Variants in PADI3 observed in about 807,000 individuals in gnomAD.
The protein encoded by PADI3 is peptidyl arginine deiminase 3, also known as protein-arginine deiminase type-3.
Under a neutral mutation model 71.5 loss-of-function variants are expected in PADI3, and 53 were observed. That is an observed-to-expected ratio of 0.74 (90% CI 0.59 to 0.93). The LOEUF (loss-of-function observed/expected upper bound fraction) is 0.93. PADI3 is among the 40% of genes least tolerant of loss of function. The pLI is 0.00. For synonymous variants in PADI3, 361 were observed against 347.5 expected (o/e 1.04, Z -0.43); for missense variants, 821 against 868.0 (o/e 0.95, Z 0.68).
intron 1 of PADI3, among the ~76,000 whole-genome samples, chr1:17,255,025 C>A (rs1020055392): frequency 3.9e-5 from 6 of 152,072 alleles, no homozygotes; most frequent in Non-Finnish European, 7.4e-5. Flanking sequence ...CCACCAGGCT[C>A]CAGCATTTCT....
chr1:17,272,235 C>T (rs971612633), intron 9 of PADI3, among the ~76,000 whole-genome samples: 14 of 152,148 alleles, frequency 9.2e-5, no homozygotes, highest in Admixed American at 4.6e-4. Context: ...CGCAAAGGCC[C>T]GGGGGTGGGA....
chr1:17,266,647 C>A, intron 4 of PADI3, 72 bp from the exon 5 acceptor site: 3 of 1,291,286 alleles, frequency 2.3e-6, no homozygotes, highest in Non-Finnish European at 3.4e-6. Flanking sequence ...ACAGGCCAGG[C>A]TCGGGTTCCT....
chr1:17,271,156 A>G lies in PADI3; in HGVS notation c.1025A>G (p.Asn342Ser), dbSNP rs1557508849. The G allele has an allele frequency of 7.4e-6, 12 of 1,613,086 alleles. No individual in the cohort carries two copies. The highest frequency in any genetic ancestry group is 9.3e-6 in the Non-Finnish European group (11 of 1,179,926). Residue 342 changes from asparagine (N) to serine (S), a missense_variant, in exon 9 of 16, where the codon AAC becomes AGC. Physicochemically the swap from Asn to Ser is conservative, Grantham distance 46. Coordinates refer to ENST00000375460, the MANE Select transcript of PADI3 (RefSeq NM_016233.2). ...CTGACCATCTGCCCACAGGCCGAGA[A>G]CCGCAACGACCGCTGGATCCAGGTA... Reference protein sequence around the residue: ...CKLTICPQAENRNDRWIQDEM... With the variant: ...CKLTICPQAESRNDRWIQDEM...
At position 17,259,735 on chromosome 1, in the gene PADI3, A is replaced by G; in HGVS notation, c.250A>G (p.Ser84Gly). 1 of 1,608,874 alleles carries G rather than the reference A, an allele frequency of 6.2e-7. No homozygotes were observed. The highest frequency in any genetic ancestry group is 8.5e-7 in the Non-Finnish European group (1 of 1,176,374). Residue 84 changes from serine to glycine, a missense_variant, in exon 2 of 16, where the codon AGC becomes GGC. Coordinates refer to ENST00000375460, the MANE Select transcript of PADI3 (RefSeq NM_016233.2). The stretch of plus-strand genomic sequence containing the variant: ...GATCATCGTGGTCATGAACTCCCCC[A>G]GCAATGACCTCAACGACAGCCATGT... ...LEIIVVMNSP[S>G]NDLNDSHVQI...
chr1:17,253,116 T>A (rs16824389), intron 1 of PADI3, among the ~76,000 whole-genome samples: 6,186 of 152,304 alleles, frequency 0.041, 181 homozygotes, highest in East Asian at 0.11. Flanking sequence ...GATCTCTGAC[T>A]ATTGGTGAAG....
chr1:17,276,488 G>A, intron 11 of PADI3, 31 bp from the exon 12 acceptor site: 1 of 1,612,584 alleles, frequency 6.2e-7, no homozygotes. Flanking sequence ...TTTTAGTTAA[G>A]CAACTTTTTT....
intron 1 of PADI3, among the ~76,000 whole-genome samples, chr1:17,255,424 G>T (rs1200892182): frequency 6.6e-6 from 1 of 152,200 alleles, no homozygotes; most frequent in Non-Finnish European, 1.5e-5. Context: ...AGGGTCCAAG[G>T]CCCTGAGCCC....
At chr1:17,275,886 G>C (rs1254960164) in intron 11 of PADI3, among the ~76,000 whole-genome samples, 3 of 152,196 alleles carry the variant, frequency 2.0e-5, no homozygotes, top group African/African-American at 7.2e-5. Flanking sequence ...AATTGAACAT[G>C]GGGGTGAAAT....
chr1:17,280,943 C>A, intron 15 of PADI3, 147 bp downstream of exon 15: 1 of 1,012,746 alleles, frequency 9.9e-7, no homozygotes, highest in Non-Finnish European at 1.4e-6. Flanking sequence ...TGGTGCTCCT[C>A]AGAAGGGCTT....
intron 15 of PADI3, among the ~76,000 whole-genome samples, chr1:17,281,342 C>A (rs565219456): frequency 6.6e-6 from 1 of 152,192 alleles, no homozygotes; most frequent in Non-Finnish European, 1.5e-5. Flanking sequence ...GCACTTCCAG[C>A]CTAAGAGGTA....
intron 12 of PADI3, 25 bp from the exon 13 acceptor site, chr1:17,276,749 A>C (rs1327799201): frequency 1.2e-6 from 2 of 1,613,608 alleles, no homozygotes; most frequent in Non-Finnish European, 1.7e-6. Context: ...CAGGAGGCTC[A>C]GCTGAATCTG....
At chr1:17,269,010 C>T (rs116271545) in intron 6 of PADI3, among the ~76,000 whole-genome samples, 3,088 of 151,430 alleles carry the variant, frequency 0.02, 107 homozygotes, top group African/African-American at 0.069. Context: ...CTTAGCCTCA[C>T]GAGTAGCTGG....
intron 13 of PADI3, among the ~76,000 whole-genome samples, chr1:17,278,303 C>G (rs2073359854): frequency 6.6e-6 from 1 of 152,206 alleles, no homozygotes; most frequent in Non-Finnish European, 1.5e-5. Flanking sequence ...TCTCAGCTCA[C>G]TGCAGCCTCG....
rs1213686291 is a variant in PADI3 at position 17,283,689 on chromosome 1, T to C, written c.*610T>C. The C allele has an allele frequency of 6.6e-6, 1 of 152,396 alleles. No individual in the cohort carries two copies. The highest frequency in any genetic ancestry group is 1.5e-5 in the Non-Finnish European group (1 of 68,238). 9.4% of individuals were successfully genotyped at this position (152,396 alleles called of 1,614,324 possible). ...CGTGAGCTGTCACATAGTAGGAGCT[T>C]CTAGATGCATGTGGAAGCAATGAGA... On this transcript the variant is annotated 3_prime_UTR_variant, in exon 16 of 16. Coordinates refer to ENST00000375460, the MANE Select transcript of PADI3 (RefSeq NM_016233.2).
intron 13 of PADI3, among the ~76,000 whole-genome samples, chr1:17,279,734 G>A (rs916029587): frequency 5.3e-5 from 8 of 152,170 alleles, no homozygotes; most frequent in African/African-American, 1.9e-4. Context: ...CACTCCCCTC[G>A]GGGCCTGCTC....
At chr1:17,260,632 G>T (rs758245023) in intron 2 of PADI3, among the ~76,000 whole-genome samples, 4 of 152,160 alleles carry the variant, frequency 2.6e-5, no homozygotes, top group Non-Finnish European at 5.9e-5. Context: ...GACCCCTGGG[G>T]GCAGTCTCCC....
At chr1:17,266,118 C>T (rs551023876) in intron 4 of PADI3, among the ~76,000 whole-genome samples, 1 of 152,356 alleles carries the variant, frequency 6.6e-6, no homozygotes, top group African/African-American at 2.4e-5. Flanking sequence ...ATGGATGTGA[C>T]TGTGTGCTAA....
Position 17,280,785 on chromosome 1 carries a change from T to C in PADI3, c.1750T>C (p.Phe584Leu), listed in dbSNP as rs1336235950. 2.5e-6 allele frequency: 4 copies of C among 1,614,000 alleles called. No individual in the cohort carries two copies. The highest frequency in any genetic ancestry group is 2.5e-6 in the Non-Finnish European group (3 of 1,179,896). The change falls in exon 15 of 16, where the codon TTC (phenylalanine) becomes CTC (leucine). Residue 584 changes from phenylalanine to leucine, a missense_variant. Transcript: ENST00000375460. ...CGAGAGGAAAAAAGCAACGGCCTTC[T>C]TCCCTGACTTGGTGAGGGCACTACC... ...KTERKKATAF[F>L]PDLVNMLVLG...
chr1:17,268,151 G>A (rs2073197525), intron 6 of PADI3, among the ~76,000 whole-genome samples, 189 bp downstream of exon 6: 1 of 152,220 alleles, frequency 6.6e-6, no homozygotes, highest in African/African-American at 2.4e-5. Context: ...GGTGCCCCCA[G>A]CACAACACCT....
Sources: allele counts gnomAD v4.1 joint callset (sites outside exome capture counted in the v4.1 genomes callset), GRCh38; gene constraint gnomAD v4.1.1; transcripts MANE v1.5; gene names NCBI Gene and HGNC (gene_info 2026-07-23, HGNC 2026-07-21).